The following PKD1L3 variants were observed in gnomAD, a reference collection of about 807,000 sequenced individuals.
PKD1L3 encodes polycystin 1 like 3, transient receptor potential channel interacting, also known as polycystin-1-like protein 3.
Under a neutral mutation model 184.1 loss-of-function variants are expected in PKD1L3, and 239 were observed. The observed-to-expected ratio is 1.30, with a 90% CI of 1.17 to 1.45. The LOEUF (loss-of-function observed/expected upper bound fraction) is 1.45, where lower values mean the gene tolerates loss of function less well. Ranked by LOEUF, PKD1L3 falls within the 40% of genes most tolerant of loss-of-function variation. The probability of loss-of-function intolerance (pLI) is 0.00; values close to 1 mark genes in which losing one functional copy is unlikely to be tolerated. For missense variants in PKD1L3, 2,660 were observed against 2,067.2 expected, an observed-to-expected ratio of 1.29 and a Z score of -5.56; for synonymous variants, 996 against 778.8, an observed-to-expected ratio of 1.28 and a Z score of -4.64.
rs1429493804 is a variant in PKD1L3 at position 71,977,203 on chromosome 16, AAAGT to A, written c.1759+29_1759+32del. 2.8e-6 allele frequency: 4 copies of A among 1,446,996 alleles called. No homozygotes were observed. The African/African-American group carries it at 4.2e-5, about 15-fold the overall frequency. 89.6% of individuals were successfully genotyped at this position (1,446,996 alleles called of 1,614,324 possible). ...ACTACATCCTAGGCAAAAAGAAATC[AAAGT>A]AAGTTTCTGACAGCTGATTGGGTTT... On this transcript the variant is annotated intron_variant, in intron 11 of 29. Transcript: ENST00000620267.
At position 71,989,751 on chromosome 16, in the gene PKD1L3, C is replaced by T. The variant is rs536317168; in HGVS notation, c.585+529G>A. 8.5e-5 allele frequency among the ~76,000 whole-genome samples: 13 copies of T among 152,304 alleles called. No individual in the cohort carries two copies. The South Asian group carries it at 1.4e-3, about 17-fold the overall frequency. ...CCAACCAACAAACACTTGATAATTA[C>T]ATCAGCATGAAAGCCAGAAAGAGAG... On this transcript the variant is annotated intron_variant, in intron 4 of 29. Coordinates refer to ENST00000620267, the MANE Select transcript of PKD1L3 (RefSeq NM_181536.2).
intron 9 of PKD1L3, among the ~76,000 whole-genome samples, chr16:71,979,469 G>GATAAAACAAA (rs138707442): frequency 6.6e-5 from 8 of 121,240 alleles, no homozygotes; most frequent in African/African-American, 1.0e-4. Flanking sequence ...AACAAAACAA[G>GATAAAACAAA]ACAAAACAAA....
At chr16:71,951,416 A>T in intron 19 of PKD1L3, 148 bp downstream of exon 19, 2 of 726,556 alleles carry the variant, frequency 2.8e-6, no homozygotes, top group Non-Finnish European at 4.4e-6. Flanking sequence ...GAACAAAGCT[A>T]TCAACTCTAT....
rs34692174 is a variant in PKD1L3, at chr16:71,990,085, CA to C, written c.585+194del. On this transcript the variant is annotated intron_variant, in intron 4 of 29. Transcript: ENST00000620267. ...CAAAGTGAGACCCTGTCTCTCCCAC[CA>C]AAAAAAAAAAAAAAAAAAATCCTTG... Among the ~76,000 whole-genome samples, 1,050 of 119,128 alleles carry C rather than the reference CA, an allele frequency of 8.8e-3. 11 individuals carry two copies. Among genetic ancestry groups the C allele is most frequent in the East Asian group, 0.03 (114 of 3,858 alleles). The allele number at this position is 119,128 out of a possible 152,430, so 78.2% of individuals were successfully genotyped here.
intron 25 of PKD1L3, among the ~76,000 whole-genome samples, chr16:71,936,540 A>C (rs2038186615): frequency 8.3e-6 from 1 of 119,926 alleles, no homozygotes; most frequent in African/African-American, 3.1e-5. Flanking sequence ...TTTTTTTGAG[A>C]TGCAGTTTCA....
At chr16:71,944,462 G>C (rs889259572) in intron 22 of PKD1L3, among the ~76,000 whole-genome samples, 1 of 152,108 alleles carries the variant, frequency 6.6e-6, no homozygotes, top group Non-Finnish European at 1.5e-5. Flanking sequence ...AAGGCAGCAG[G>C]ATCACTTGAG....
At chr16:71,998,237 T>G in intron 2 of PKD1L3, 35 bp downstream of exon 2, 3 of 1,550,554 alleles carry the variant, frequency 1.9e-6, no homozygotes, top group Non-Finnish European at 1.7e-6. Flanking sequence ...TTTCTAAAAT[T>G]TGGGTCTTTG....
intron 1 of PKD1L3, 35 bp downstream of exon 1, chr16:71,999,649 G>C: frequency 1.4e-6 from 2 of 1,424,068 alleles, no homozygotes; most frequent in Non-Finnish European, 1.8e-6. Flanking sequence ...ATATAAGGAA[G>C]TTTCCTTCAT....
At chr16:71,935,326 G>A in intron 26 of PKD1L3, 32 bp downstream of exon 26, 2 of 1,541,066 alleles carry the variant, frequency 1.3e-6, no homozygotes, top group Non-Finnish European at 1.8e-6. Flanking sequence ...CATGAGGTAG[G>A]AATATGCTGT....
intron 25 of PKD1L3, 124 bp from the exon 26 acceptor site, chr16:71,935,642 C>A: frequency 1.2e-6 from 1 of 866,832 alleles, no homozygotes; most frequent in Non-Finnish European, 1.7e-6. Context: ...TTTATCAGAT[C>A]TCACTTGGAC....
chr16:71,968,107 C>T (rs2039569890), intron 13 of PKD1L3, 100 bp from the exon 14 acceptor site: 8 of 904,868 alleles, frequency 8.8e-6, no homozygotes, highest in African/African-American at 3.4e-5. Context: ...CGGCAGGTGT[C>T]TGGCAGCCCT....
intron 16 of PKD1L3, 26 bp downstream of exon 16, chr16:71,963,179 T>G: frequency 6.5e-7 from 1 of 1,529,476 alleles, no homozygotes; most frequent in Non-Finnish European, 8.8e-7. Flanking sequence ...CAATATTCAC[T>G]GTTAATAGTA....
At chr16:71,963,461 C>G in intron 15 of PKD1L3, 110 bp from the exon 16 acceptor site, 4 of 1,154,912 alleles carry the variant, frequency 3.5e-6, no homozygotes, top group Non-Finnish European at 4.7e-6. Context: ...TGAACTGTTT[C>G]ATTGCAAGGC....
At position 71,967,948 on chromosome 16, in the gene PKD1L3, C is replaced by T. The variant is rs375865515; in HGVS notation, c.2244G>A (p.Gln748=). 1.1e-5 allele frequency: 17 copies of T among 1,551,508 alleles called. No individual in the cohort carries two copies. The highest frequency in any genetic ancestry group is 1.4e-5 in the Non-Finnish European group (16 of 1,146,936). Residue 748 remains glutamine (Q), a synonymous_variant, in exon 14 of 30, where the codon CAG becomes CAA. Transcript: ENST00000620267. ...DPSAQFHYLI[Q]VYTGYRRSAA... The stretch of plus-strand genomic sequence containing the variant: ...CGCTTCTTCGATATCCGGTGTAGAC[C>T]TGAATAAGGTAGTGAAATTGAGCGC...
chr16:71,953,683 T>C (rs537380649), intron 17 of PKD1L3, among the ~76,000 whole-genome samples: 2 of 151,914 alleles, frequency 1.3e-5, no homozygotes, highest in Non-Finnish European at 2.9e-5. Context: ...AACCTCCGCC[T>C]CCTGGGTTTA....
intron 3 of PKD1L3, 23 bp downstream of exon 3, chr16:71,993,193 T>G (rs762632332): frequency 1.4e-6 from 2 of 1,463,280 alleles, no homozygotes; most frequent in South Asian, 1.3e-5. Context: ...ATTTTTAAGG[T>G]TACTAGAGGA....
chr16:71,979,624 C>A (rs769711112), intron 9 of PKD1L3, among the ~76,000 whole-genome samples, 162 bp downstream of exon 9: 3 of 152,194 alleles, frequency 2.0e-5, no homozygotes, highest in African/African-American at 7.2e-5. Context: ...TTTTAAGAGG[C>A]CTCTATCCCT....
At position 72,000,367 on chromosome 16, in the gene PKD1L3, T is replaced by C. The variant is rs1469174552; in HGVS notation, c.-389A>G. On this transcript the variant is annotated 5_prime_UTR_variant, in exon 1 of 30. Transcript: ENST00000620267. ...TTTCTTTTCTGAGGCAGGGTCTCAT[T>C]CTGTTGGTCAGGCTGGAGTGCAGTG... Among the ~76,000 whole-genome samples, 1 of 152,196 alleles carries C rather than the reference T, an allele frequency of 6.6e-6. No individual in the cohort carries two copies.
intron 11 of PKD1L3, among the ~76,000 whole-genome samples, chr16:71,974,715 T>C (rs2039854100): frequency 6.6e-6 from 1 of 152,160 alleles, no homozygotes; most frequent in African/African-American, 2.4e-5. Context: ...GAGTACACCT[T>C]TGGAATTGGG....
Sources: gnomAD v4.1 joint callset for allele counts (sites outside exome capture counted in the v4.1 genomes callset) on GRCh38, gnomAD v4.1.1 for gene constraint, MANE v1.5 for transcripts, NCBI Gene and HGNC (gene_info 2026-07-23, HGNC 2026-07-21) for gene names.